SYNE2: variants seen among roughly 807,000 people sequenced by gnomAD.
The protein encoded by SYNE2 is spectrin repeat containing nuclear envelope protein 2.
A neutral mutation model predicts 856.3 loss-of-function variants in SYNE2; 431 were observed. The ratio of observed to expected loss-of-function variants is 0.50; its 90% CI spans 0.47 to 0.55. The LOEUF is 0.55. Ranked by LOEUF, SYNE2 falls within the 20% of genes least tolerant of loss-of-function variation. The pLI is 0.00. For missense variants in SYNE2, 8,129 were observed against 8,023.2 expected (o/e 1.01, Z -0.50); for synonymous variants, 2,923 against 2,872.3 (o/e 1.02, Z -0.56).
Position 64,080,650 on chromosome 14 carries a change from A to T in SYNE2, c.11346+12A>T, listed in dbSNP as rs747586643. 7 of 1,613,724 alleles carry T rather than the reference A, an allele frequency of 4.3e-6. No homozygotes were observed. Among genetic ancestry groups the T allele is most frequent in the Non-Finnish European group, 5.9e-6 (7 of 1,179,808 alleles). Reference sequence around the variant, plus strand: ...CACAGTTGAATAAGGTATGGCTGTGACTCGTAATAGCTTCATATCATGTGG... The same window carrying T: ...CACAGTTGAATAAGGTATGGCTGTGTCTCGTAATAGCTTCATATCATGTGG... On this transcript the variant is annotated intron_variant, in intron 56 of 115. Coordinates refer to ENST00000555002, the MANE Select transcript of SYNE2 (RefSeq NM_182914.3).
At chr14:63,921,011 A>C (rs2095594161) in intron 2 of SYNE2, among the ~76,000 whole-genome samples, 2 of 152,124 alleles carry the variant, frequency 1.3e-5, no homozygotes, top group Non-Finnish European at 2.9e-5. Flanking sequence ...GCTACTCTGG[A>C]GGCCGAGACA....
intron 2 of SYNE2, among the ~76,000 whole-genome samples, chr14:63,914,706 T>A (rs1428628220): frequency 6.6e-6 from 1 of 152,238 alleles, no homozygotes; most frequent in African/African-American, 2.4e-5. Context: ...TCCAAGGTTT[T>A]GAAGTTGAGC....
In SYNE2 at chr14:63,789,701, C is replaced by T. The variant is rs189298469; in HGVS notation, c.-305+27715C>T. Among the ~76,000 whole-genome samples the T allele has an allele frequency of 3.6e-3, 543 of 151,830 alleles. 15 individuals are homozygous for T. The highest frequency in any genetic ancestry group is 6.6e-4 in the Non-Finnish European group (45 of 67,956). ...GCCAAGGCAGGAGAATCGCTTGAAC[C>T]AGGGAAGTGGAGGTTGCAATGAGCT... On this transcript the variant is annotated intron_variant, in intron 1 of 23. Coordinates refer to the SYNE2 transcript ENST00000674003.
chr14:63,942,930 C>G (rs1332826082), intron 6 of SYNE2, among the ~76,000 whole-genome samples: 1 of 152,200 alleles, frequency 6.6e-6, no homozygotes, highest in African/African-American at 2.4e-5. Context: ...CGTGCCTGTC[C>G]TGTTGCTATT....
At chr14:63,924,849 T>G (rs1386773981) in intron 2 of SYNE2, among the ~76,000 whole-genome samples, 2 of 129,324 alleles carry the variant, frequency 1.5e-5, no homozygotes, top group African/African-American at 5.4e-5. Context: ...TTTTTTTTTT[T>G]TTTTTTTTTT....
At position 63,897,252 on chromosome 14, in the gene SYNE2, C is replaced by CTAAA. The variant is rs545917971; in HGVS notation, c.-51-11820_-51-11817dup. ...TGGGCGACAGAGTGAGACCCTATCTCTAAATAAATAAATAAATAAATAAAT... is the reference window on the plus strand; with the variant it reads ...TGGGCGACAGAGTGAGACCCTATCTCTAAATAAATAAATAAATAAATAAATAAAT... On this transcript the variant is annotated intron_variant, in intron 1 of 115. Transcript: ENST00000555002. Among the ~76,000 whole-genome samples, 399 of 151,918 alleles carry CTAAA rather than the reference C, an allele frequency of 2.6e-3. 1 individual carries two copies. Among genetic ancestry groups the CTAAA allele is most frequent in the South Asian group, 5.6e-3 (27 of 4,786 alleles).
chr14:63,850,245 CTTTTTTTT>C (rs34763098), upstream of SYNE2, among the ~76,000 whole-genome samples: 2 of 112,522 alleles, frequency 1.8e-5, no homozygotes, highest in African/African-American at 6.9e-5. Context: ...CCACACCTAG[CTTTTTTTT>C]TTTTTTTTTT....
Position 64,107,846 on chromosome 14 carries a change from T to A in SYNE2, c.12609+239T>A, listed in dbSNP as rs10147977. ...CTTTTCACTCATTTACCATTTGTCA[T>A]CATGAAATAGTCTTTCTGTTGATGA... On this transcript the variant is annotated intron_variant, in intron 65 of 115. Transcript: ENST00000555002. 0.27 allele frequency among the ~76,000 whole-genome samples: 41,601 copies of A among 152,146 alleles called. 8,951 individuals are homozygous for A. The highest frequency in any genetic ancestry group is 0.59 in the African/African-American group (24,446 of 41,458).
At chr14:63,961,956 G>C (rs1178948178) in intron 9 of SYNE2, among the ~76,000 whole-genome samples, 3 of 151,302 alleles carry the variant, frequency 2.0e-5, no homozygotes, top group Non-Finnish European at 4.4e-5. Context: ...ACTTTTAGAT[G>C]GGCACTATAT....
chr14:64,023,440 A>T (rs1260342074), intron 38 of SYNE2: 8 of 152,688 alleles, frequency 5.2e-5, no homozygotes, highest in Non-Finnish European at 1.2e-4. Flanking sequence ...TCCACTGGGG[A>T]ATTCAGTTGT....
chr14:64,223,088 C>G, intron 112 of SYNE2, 101 bp from the exon 113 acceptor site: 1 of 1,214,052 alleles, frequency 8.2e-7, no homozygotes, highest in East Asian at 2.4e-5. Flanking sequence ...TACTACCCAT[C>G]ATTCATTCTG....
chr14:64,175,826 A>G (rs1395221366), intron 95 of SYNE2, among the ~76,000 whole-genome samples: 1 of 152,238 alleles, frequency 6.6e-6, no homozygotes, highest in African/African-American at 2.4e-5. Flanking sequence ...TTTCTGAATT[A>G]AGAGTAAATA....
Position 64,190,001 on chromosome 14 carries a change from A to G in SYNE2, c.17872-70A>G, listed in dbSNP as rs914308871. 18 of 1,543,942 alleles carry G rather than the reference A, an allele frequency of 1.2e-5. No homozygotes were observed. The African/African-American group carries it at 1.5e-4, about 13-fold the overall frequency. ...TTTTTTAATTTCAAGAGGTAACTCT[A>G]TGTCTGTGGCTGGAGAAGAAATGAG... On this transcript the variant is annotated intron_variant, in intron 98 of 115. Transcript: ENST00000555002.
At chr14:64,111,080 G>A (rs925145042) in intron 65 of SYNE2, among the ~76,000 whole-genome samples, 2 of 151,852 alleles carry the variant, frequency 1.3e-5, no homozygotes, top group African/African-American at 4.8e-5. Context: ...AAAAGTGTGT[G>A]GAGGGCTGGG....
chr14:64,147,755 A>G (rs1198436452), intron 84 of SYNE2, among the ~76,000 whole-genome samples: 1 of 152,224 alleles, frequency 6.6e-6, no homozygotes, highest in African/African-American at 2.4e-5. Flanking sequence ...AGACATAGTA[A>G]TATTCCAGAA....
chr14:64,016,660 T>G (rs762718577), intron 33 of SYNE2, 29 bp downstream of exon 33: 1 of 1,462,332 alleles, frequency 6.8e-7, no homozygotes, highest in Non-Finnish European at 9.5e-7. Context: ...GATTGCAAAT[T>G]TAATTTTGTT....
chr14:63,786,826 C>G (rs1161731278), intron 1 of SYNE2, among the ~76,000 whole-genome samples: 3 of 152,114 alleles, frequency 2.0e-5, no homozygotes, highest in Non-Finnish European at 4.4e-5. Flanking sequence ...TGCAGTGGTG[C>G]AAACATGGCT....
chr14:64,091,068 A>G lies in SYNE2; in HGVS notation c.11976+20A>G. On this transcript the variant is annotated intron_variant, in intron 60 of 115. Transcript: ENST00000555002. ...TTAAAGGTAAGCAGTTTCTGATGAC[A>G]TCCAACTTACTGGATGAAAATGTTC... is the stretch of plus-strand genomic sequence containing the variant. 2.8e-5 allele frequency: 45 copies of G among 1,610,940 alleles called. No individual in the cohort carries two copies. Among genetic ancestry groups the G allele is most frequent in the Non-Finnish European group, 3.7e-5 (44 of 1,177,380 alleles).
At chr14:64,180,139 C>T (rs2098451377) in intron 96 of SYNE2, among the ~76,000 whole-genome samples, 1 of 152,128 alleles carries the variant, frequency 6.6e-6, no homozygotes, top group Non-Finnish European at 1.5e-5. Flanking sequence ...ATGTCAAATA[C>T]CAAATTTCCA....
Sources: allele counts gnomAD v4.1 joint callset (sites outside exome capture counted in the v4.1 genomes callset), GRCh38; gene constraint gnomAD v4.1.1; transcripts MANE v1.5; gene names NCBI Gene and HGNC (gene_info 2026-07-23, HGNC 2026-07-21).